Variants in DMTN observed in about 807,000 individuals in gnomAD.
DMTN encodes the protein dematin.
A neutral mutation model predicts 59.4 loss-of-function variants in DMTN; 27 were observed. The ratio of observed to expected loss-of-function variants is 0.45; its 90% CI spans 0.33 to 0.63. The LOEUF (loss-of-function observed/expected upper bound fraction) is 0.63, where lower values mean the gene tolerates loss of function less well. Ranked by LOEUF, DMTN falls within the 20% of genes least tolerant of loss-of-function variation. The pLI, the probability that DMTN is intolerant of heterozygous loss-of-function variation, is 0.02. For missense variants in DMTN, 451 were observed against 528.9 expected, an observed-to-expected ratio of 0.85 and a Z score of 1.45; for synonymous variants, 221 against 203.7, an observed-to-expected ratio of 1.08 and a Z score of -0.72.
At chr8:22,051,058 T>A (rs1219838692), upstream of DMTN, among the ~76,000 whole-genome samples, 1 of 152,174 alleles carries the variant, frequency 6.6e-6, no homozygotes, top group African/African-American at 2.4e-5. Flanking sequence ...CACACCTGGC[T>A]TCAGCAACCC....
In DMTN at chr8:22,066,974, C is replaced by T. The variant is rs993652091; in HGVS notation, c.18+81C>T. On this transcript the variant is annotated intron_variant, in intron 2 of 15. Transcript: ENST00000358242. ...AGTCCAGGGCGCCACCTGGTGGCCA[C>T]CCGCCGCGCAGCGCCGCGCAGCGCC... is the stretch of plus-strand genomic sequence containing the variant. 64 of 1,243,342 alleles carry T rather than the reference C, an allele frequency of 5.1e-5. No homozygotes were observed. In the Admixed American group the frequency reaches 1.1e-3, roughly 22 times the overall value. 77.0% of individuals were successfully genotyped at this position (1,243,342 alleles called of 1,614,324 possible).
intron 13 of DMTN, 73 bp downstream of exon 13, chr8:22,080,698 G>T (rs1240471237): frequency 9.5e-6 from 15 of 1,581,522 alleles, no homozygotes; most frequent in Non-Finnish European, 1.3e-5. Context: ...GTCAGGGGAA[G>T]GGGGGTGTGG....
At chr8:22,051,677 T>C (rs1342988811), upstream of DMTN, among the ~76,000 whole-genome samples, 2 of 152,090 alleles carry the variant, frequency 1.3e-5, no homozygotes. Flanking sequence ...CCTCAGCATC[T>C]CAGCCACCGC....
chr8:22,062,498 G>A (rs939398702), intron 1 of DMTN, among the ~76,000 whole-genome samples: 4 of 152,072 alleles, frequency 2.6e-5, no homozygotes, highest in Non-Finnish European at 5.9e-5. Flanking sequence ...CCCACCTAGT[G>A]CCCACTGCCC....
intron 10 of DMTN, among the ~76,000 whole-genome samples, chr8:22,075,292 G>A (rs1818865114): frequency 6.8e-6 from 1 of 147,392 alleles, no homozygotes; most frequent in Non-Finnish European, 1.5e-5. Context: ...GGGGAGGGGA[G>A]CTAGACCCTC....
In DMTN at chr8:22,060,451, G is replaced by A. The variant is rs543640708; in HGVS notation, c.-172+3315G>A. On this transcript the variant is annotated intron_variant, in intron 1 of 15. Transcript: ENST00000358242. This position sits in a 1 kb window ranked among gnomAD's most constrained non-coding sequence, Gnocchi z 5.0. ...CTCTCTCCCCCTCACACATGCGCAC[G>A]CACACACACATATACACACACTCTT... is the stretch of plus-strand genomic sequence containing the variant. 2.0e-5 allele frequency among the ~76,000 whole-genome samples: 3 copies of A among 150,476 alleles called. No individual in the cohort carries two copies. Among genetic ancestry groups the A allele is most frequent in the South Asian group, 2.1e-4 (1 of 4,758 alleles).
At chr8:22,067,381 G>C (rs1811612675) in intron 3 of DMTN, 146 bp from the exon 4 acceptor site, 12 of 1,281,026 alleles carry the variant, frequency 9.4e-6, no homozygotes, top group Middle Eastern at 1.9e-4. Flanking sequence ...CATGTTTTAA[G>C]GTGACTAATT....
rs1805294480 is a variant in DMTN at position 22,060,179 on chromosome 8, C to A, written c.-172+3043C>A. On this transcript the variant is annotated intron_variant, in intron 1 of 15. Coordinates refer to ENST00000358242, the MANE Select transcript of DMTN (RefSeq NM_001387751.1). This position sits in a 1 kb window ranked among gnomAD's most constrained non-coding sequence, Gnocchi z 5.0. ...CCTCCCTCCCCTCTTCCTGCTGCAG[C>A]TCGCCCTTTCTATCTCTTTGTGCAC... 6.6e-6 allele frequency among the ~76,000 whole-genome samples: 1 copy of A among 152,188 alleles called. No individual in the cohort carries two copies. Among genetic ancestry groups the A allele is most frequent in the Non-Finnish European group, 1.5e-5 (1 of 68,034 alleles).
At chr8:22,065,630 G>T (rs906745346) in intron 1 of DMTN, among the ~76,000 whole-genome samples, 8 of 151,998 alleles carry the variant, frequency 5.3e-5, no homozygotes, top group Admixed American at 1.3e-4. Flanking sequence ...ATCACTTGAG[G>T]TCAGGAGTTC....
At chr8:22,077,775 C>T (rs1307952715) in intron 10 of DMTN, among the ~76,000 whole-genome samples, 1 of 152,144 alleles carries the variant, frequency 6.6e-6, no homozygotes, top group African/African-American at 2.4e-5. Context: ...ATTCTAGAAT[C>T]ATGAACAGGC....
chr8:22,072,551 G>A (rs542700756), intron 9 of DMTN, 101 bp downstream of exon 9: 26 of 1,285,012 alleles, frequency 2.0e-5, no homozygotes, highest in South Asian at 3.3e-5. Context: ...TGCAACCTCC[G>A]CTCCCAGGTT....
At chr8:22,070,823 C>T (rs1238762371) in intron 8 of DMTN, among the ~76,000 whole-genome samples, 1 of 152,114 alleles carries the variant, frequency 6.6e-6, no homozygotes, top group Admixed American at 6.6e-5. Flanking sequence ...CATCACCACC[C>T]CCCACACCCT....
chr8:22,067,506 C>G (rs763373164), intron 3 of DMTN, 21 bp from the exon 4 acceptor site: 5 of 1,613,842 alleles, frequency 3.1e-6, no homozygotes, highest in Non-Finnish European at 4.2e-6. Flanking sequence ...ACAGCAGTTT[C>G]ACGCGCACCT....
In DMTN at chr8:22,057,148, G is replaced by A. The variant is rs1159666303; in HGVS notation, c.-172+12G>A. 1 of 152,260 alleles carries A rather than the reference G, an allele frequency of 6.6e-6. No homozygotes were observed. Among genetic ancestry groups the A allele is most frequent in the Non-Finnish European group, 1.5e-5 (1 of 68,104 alleles). The allele number at this position is 152,260 out of a possible 1,614,324, so 9.4% of individuals were successfully genotyped here. A position where few individuals can be genotyped will look rare whatever the true frequency, so the allele number is the denominator to read the frequency against. On this transcript the variant is annotated intron_variant, in intron 1 of 15. Transcript: ENST00000358242. ...CTGTCTGGGAAGAGGTAGGTGGCAG[G>A]GTCTCCGCCTCTCCTCCCCTCTGTG... is the stretch of plus-strand genomic sequence containing the variant.
At chr8:22,068,655 G>C (rs903875075) in intron 4 of DMTN, among the ~76,000 whole-genome samples, 1 of 151,474 alleles carries the variant, frequency 6.6e-6, no homozygotes, top group Middle Eastern at 3.2e-3. Flanking sequence ...GGAAGGAAGG[G>C]AGGAAGGCAG....
At chr8:22,067,454 A>T in intron 3 of DMTN, 73 bp from the exon 4 acceptor site, 2 of 1,575,570 alleles carry the variant, frequency 1.3e-6, no homozygotes, top group African/African-American at 2.7e-5. Flanking sequence ...AATTGACGTA[A>T]GTCTAGCTAG....
intron 1 of DMTN, among the ~76,000 whole-genome samples, chr8:22,064,594 G>A (rs1316310283): frequency 1.3e-5 from 2 of 152,180 alleles, no homozygotes; most frequent in African/African-American, 4.8e-5. Flanking sequence ...GAGTAGCTGG[G>A]ACTACAGGCG....
Position 22,072,330 on chromosome 8 carries a change from A to G in DMTN, c.609A>G (p.Thr203=). The G allele has an allele frequency of 6.3e-7, 1 of 1,599,926 alleles. No individual in the cohort carries two copies. The highest frequency in any genetic ancestry group is 8.5e-7 in the Non-Finnish European group (1 of 1,172,708). ...PCPPSLAVVE[T]EWRKRKASRR... The stretch of plus-strand genomic sequence containing the variant: ...ACCTTTGCTTGTGTCTCCTAGAGAC[A>G]GAATGGAGGAAGCGGAAGGCGTCTC... The change falls in exon 9 of 16, where the codon ACA becomes ACG. Residue 203 remains threonine (T), a synonymous_variant. Transcript: ENST00000358242.
At chr8:22,054,874 GC>G (rs1801888836), upstream of DMTN, 1 of 152,006 alleles carries the variant, frequency 6.6e-6, no homozygotes, top group Non-Finnish European at 1.5e-5. Context: ...CCCTGCTGCC[GC>G]GGCTGAGCCG....
Sources: gnomAD v4.1 joint callset for allele counts (sites outside exome capture counted in the v4.1 genomes callset) on GRCh38, gnomAD v4.1.1 for gene constraint, Gnocchi (gnomAD v3.1) non-coding constraint, MANE v1.5 for transcripts, NCBI Gene and HGNC (gene_info 2026-07-23, HGNC 2026-07-21) for gene names.